NEDD9: variants seen among roughly 807,000 people sequenced by gnomAD.
NEDD9 encodes the protein enhancer of filamentation 1.
A neutral mutation model predicts 76.6 loss-of-function variants in NEDD9; 26 were observed. That is an observed-to-expected ratio of 0.34 (90% CI 0.25 to 0.47). The LOEUF (loss-of-function observed/expected upper bound fraction) is 0.47. Ranked by LOEUF, NEDD9 falls within the 20% of genes least tolerant of loss-of-function variation. The probability of loss-of-function intolerance (pLI) is 1.00; values close to 1 mark genes in which losing one functional copy is unlikely to be tolerated. For missense variants in NEDD9, 937 were observed against 1,058.5 expected (o/e 0.89, Z 1.59); for synonymous variants, 392 against 414.2 (o/e 0.95, Z 0.65).
intron 1 of NEDD9, among the ~76,000 whole-genome samples, chr6:11,354,421 T>C (rs1456215450): frequency 6.6e-6 from 1 of 152,178 alleles, no homozygotes; most frequent in Non-Finnish European, 1.5e-5. Flanking sequence ...CAGCTAAATG[T>C]GGTGCGTGTC....
chr6:11,226,591 A>T (rs73437360), intron 1 of NEDD9, among the ~76,000 whole-genome samples: 4,389 of 151,838 alleles, frequency 0.029, 222 homozygotes, highest in African/African-American at 0.1. Context: ...TTCACCCTGA[A>T]CTTCTCATGT....
intron 1 of NEDD9, among the ~76,000 whole-genome samples, chr6:11,334,725 T>C (rs1242092177): frequency 6.6e-6 from 1 of 152,232 alleles, no homozygotes; most frequent in African/African-American, 2.4e-5. Flanking sequence ...CTACTTGCTG[T>C]TTATTTTATG....
At chr6:11,343,035 T>C (rs1762303038) in intron 1 of NEDD9, among the ~76,000 whole-genome samples, 1 of 151,986 alleles carries the variant, frequency 6.6e-6, no homozygotes, top group South Asian at 2.1e-4. Context: ...AGTGGATGTA[T>C]ACATTAGTCA....
upstream of NEDD9, among the ~76,000 whole-genome samples, chr6:11,235,520 G>T (rs1336629285): frequency 1.3e-5 from 2 of 152,186 alleles, no homozygotes; most frequent in African/African-American, 4.8e-5. The surrounding 1 kb of genome is among the most constrained non-coding windows in gnomAD (Gnocchi z 4.1). Context: ...ATAATTAAAT[G>T]AATGTATAAT....
At chr6:11,283,601 C>A (rs1356686384) in intron 3 of NEDD9, among the ~76,000 whole-genome samples, 1 of 152,124 alleles carries the variant, frequency 6.6e-6, no homozygotes, top group Non-Finnish European at 1.5e-5. Flanking sequence ...GCTTTAATGA[C>A]CATGGCAAAC....
intron 2 of NEDD9, among the ~76,000 whole-genome samples, chr6:11,312,692 TTATATA>T (rs111434917): frequency 1.5e-5 from 1 of 65,924 alleles, no homozygotes; most frequent in African/African-American, 3.9e-5. Context: ...ATTATATATA[TTATATA>T]TATATATATA....
intron 4 of NEDD9, 118 bp from the exon 5 acceptor site, chr6:11,191,323 G>A: frequency 9.6e-7 from 1 of 1,039,970 alleles, no homozygotes; most frequent in Non-Finnish European, 1.4e-6. Context: ...CCGCCCCAAT[G>A]TTAGGCACTT....
chr6:11,223,568 C>G (rs1488743855), intron 1 of NEDD9, among the ~76,000 whole-genome samples: 1 of 152,060 alleles, frequency 6.6e-6, no homozygotes, highest in East Asian at 1.9e-4. Flanking sequence ...AGACACACTT[C>G]AGAGAAATGA....
intron 1 of NEDD9, among the ~76,000 whole-genome samples, chr6:11,228,587 AAGGG>A (rs1759377780): frequency 7.1e-6 from 1 of 141,408 alleles, no homozygotes; most frequent in Non-Finnish European, 1.5e-5. Context: ...GACTGGAGTG[AAGGG>A]AGAGACAGGG....
At chr6:11,285,513 C>T (rs1202455403) in intron 3 of NEDD9, among the ~76,000 whole-genome samples, 1 of 151,970 alleles carries the variant, frequency 6.6e-6, no homozygotes. Flanking sequence ...CATATAGAAA[C>T]ACAAAGGACC....
chr6:11,222,239 T>C (rs1306888052), intron 1 of NEDD9, among the ~76,000 whole-genome samples: 1 of 152,174 alleles, frequency 6.6e-6, no homozygotes, highest in African/African-American at 2.4e-5. Flanking sequence ...GTTGTCCATC[T>C]CCCAGCCAGA....
At chr6:11,338,024 G>T (rs138469321) in intron 1 of NEDD9, among the ~76,000 whole-genome samples, 41 of 152,184 alleles carry the variant, frequency 2.7e-4, no homozygotes, top group African/African-American at 9.9e-4. Context: ...GTGTCCCTTG[G>T]TGTCATGAGT....
intron 2 of NEDD9, among the ~76,000 whole-genome samples, chr6:11,312,363 A>G (rs1761396923): frequency 6.7e-6 from 1 of 149,796 alleles, no homozygotes; most frequent in African/African-American, 2.5e-5. Context: ...TCCATTGTCT[A>G]TCTTCCCCAT....
upstream of NEDD9, among the ~76,000 whole-genome samples, chr6:11,233,085 C>G (rs1759529316): frequency 6.6e-6 from 1 of 152,092 alleles, no homozygotes; most frequent in African/African-American, 2.4e-5. Flanking sequence ...AAACGAACTC[C>G]GGGAACAAAA....
chr6:11,221,382 T>TAAA (rs35887409), intron 1 of NEDD9, among the ~76,000 whole-genome samples: 1 of 129,848 alleles, frequency 7.7e-6, no homozygotes. Context: ...GACTCTGTCA[T>TAAA]AAAAAAAAAA....
At chr6:11,288,084 G>A (rs1309344270) in intron 3 of NEDD9, among the ~76,000 whole-genome samples, 1 of 152,140 alleles carries the variant, frequency 6.6e-6, no homozygotes, top group East Asian at 1.9e-4. Context: ...GCAATTGTTT[G>A]GTCAGATCAC....
At chr6:11,211,645 A>T (rs1357950296) in intron 2 of NEDD9, among the ~76,000 whole-genome samples, 1 of 152,198 alleles carries the variant, frequency 6.6e-6, no homozygotes, top group East Asian at 1.9e-4. Context: ...GACAAGGAAG[A>T]CTGAAAAGCC....
chr6:11,195,933 G>T (rs1161856495), intron 2 of NEDD9, among the ~76,000 whole-genome samples: 1 of 152,180 alleles, frequency 6.6e-6, no homozygotes, highest in African/African-American at 2.4e-5. Flanking sequence ...GGCGGAGGTT[G>T]CAGTGGGCTG....
At chr6:11,221,929 A>AT (rs1198076375) in intron 1 of NEDD9, among the ~76,000 whole-genome samples, 16 of 152,304 alleles carry the variant, frequency 1.1e-4, no homozygotes, top group Middle Eastern at 6.8e-3. Flanking sequence ...GCACTGGATC[A>AT]TATCTATCTG....
Sources: allele counts gnomAD v4.1 joint callset (sites outside exome capture counted in the v4.1 genomes callset), GRCh38; gene constraint gnomAD v4.1.1; non-coding constraint Gnocchi (gnomAD v3.1); transcripts MANE v1.5; gene names NCBI Gene and HGNC (gene_info 2026-07-23, HGNC 2026-07-21).